Variants in NDC80 observed in about 807,000 individuals in gnomAD.
NDC80 encodes NDC80 kinetochore complex component, also known as kinetochore protein NDC80 homolog.
Under a neutral mutation model 89.3 loss-of-function variants are expected in NDC80, and 69 were observed. The ratio of observed to expected loss-of-function variants is 0.77; its 90% CI spans 0.64 to 0.94. The LOEUF is 0.94. Among genes scored for constraint, NDC80 ranks in the 40% least tolerant of loss-of-function variants. NDC80 has a pLI of 0.00. For synonymous variants in NDC80, 243 were observed against 255.6 expected (o/e 0.95, Z 0.47); for missense variants, 593 against 739.6 (o/e 0.80, Z 2.30).
chr18:2,578,887 A>G, intron 5 of NDC80, 40 bp from the exon 6 acceptor site: 1 of 1,210,544 alleles, frequency 8.3e-7, no homozygotes, highest in Non-Finnish European at 1.1e-6. Flanking sequence ...CTAAATTATA[A>G]TAACATTAAA....
rs759012516 is a variant in NDC80, at chr18:2,573,074, A to G, written c.89A>G (p.Tyr30Cys). Residue 30 changes from tyrosine to cysteine, a missense_variant, in exon 2 of 17, where the codon TAT becomes TGT. Physicochemically the swap from Tyr to Cys is radical, Grantham distance 194 (BLOSUM62 -2). Transcript: ENST00000261597. Reference protein sequence around the residue: ...RSQDVNKQGLYTPQTKEKPTF... With the variant: ...RSQDVNKQGLCTPQTKEKPTF... ...CAGGATGTAAATAAACAAGGCCTCT[A>G]TACCCCTCAAACGTGAGTATTTCCC... is the stretch of plus-strand genomic sequence containing the variant. 3 of 1,613,244 alleles carry G rather than the reference A, an allele frequency of 1.9e-6. No individual in the cohort carries two copies. Among genetic ancestry groups the G allele is most frequent in the African/African-American group, 1.3e-5 (1 of 74,888 alleles).
intron 8 of NDC80, 120 bp downstream of exon 8, chr18:2,588,043 C>A: frequency 1.5e-6 from 1 of 671,884 alleles, no homozygotes; most frequent in Admixed American, 2.7e-5. Flanking sequence ...TATCTGGATG[C>A]CTACTGATTT....
chr18:2,595,355 G>A (rs2072649239), intron 10 of NDC80, 61 bp from the exon 11 acceptor site: 1 of 1,172,778 alleles, frequency 8.5e-7, no homozygotes, highest in Non-Finnish European at 1.2e-6. Flanking sequence ...ATTACATGAT[G>A]GCATCTGTTT....
Position 2,580,174 on chromosome 18 carries a change from T to G in NDC80, c.579+1145T>G, listed in dbSNP as rs1428381201. Reference sequence around the variant, plus strand: ...GACAGCTAATTTTTTCTTATTTACATTTTTTGTTTTTAAAGGTGAATTTTT... The same window carrying G: ...GACAGCTAATTTTTTCTTATTTACAGTTTTTGTTTTTAAAGGTGAATTTTT... On this transcript the variant is annotated intron_variant, in intron 6 of 16. Transcript: ENST00000261597. Among the ~76,000 whole-genome samples the G allele has an allele frequency of 1.4e-4, 22 of 152,066 alleles. 1 individual carries two copies. Among genetic ancestry groups the G allele is most frequent in the Admixed American group, 1.4e-3 (22 of 15,254 alleles).
intron 3 of NDC80, among the ~76,000 whole-genome samples, chr18:2,575,989 CT>C (rs1283348207): frequency 6.7e-6 from 1 of 148,682 alleles, no homozygotes; most frequent in Non-Finnish European, 1.5e-5. Context: ...ATCCTAGCTA[CT>C]CAAGAGGCTT....
At chr18:2,580,075 C>T (rs574316827) in intron 6 of NDC80, among the ~76,000 whole-genome samples, 1 of 151,352 alleles carries the variant, frequency 6.6e-6, no homozygotes, top group South Asian at 2.1e-4. Flanking sequence ...TGCTTTTTGC[C>T]ATGAATTTGA....
At chr18:2,614,932 C>A (rs1384523408) in intron 16 of NDC80, 1 of 152,218 alleles carries the variant, frequency 6.6e-6, no homozygotes. Flanking sequence ...GGCATCCTTA[C>A]ATGAAGATCG....
At chr18:2,583,587 C>T (rs904710268) in intron 6 of NDC80, among the ~76,000 whole-genome samples, 1 of 151,832 alleles carries the variant, frequency 6.6e-6, no homozygotes, top group Non-Finnish European at 1.5e-5. Context: ...ATCCCAGCTA[C>T]TCAGGAGGCT....
At chr18:2,579,512 C>T (rs910621936) in intron 6 of NDC80, among the ~76,000 whole-genome samples, 2 of 152,142 alleles carry the variant, frequency 1.3e-5, no homozygotes, top group African/African-American at 4.8e-5. Flanking sequence ...ACTTCAACCT[C>T]CGCTTCCCAG....
chr18:2,583,697 C>CAAA (rs377184384), intron 6 of NDC80, among the ~76,000 whole-genome samples: 2 of 116,572 alleles, frequency 1.7e-5, no homozygotes, highest in Admixed American at 9.1e-5. Context: ...GACTCCGTCT[C>CAAA]AAAAAAAAAA....
chr18:2,610,854 C>G lies in NDC80; in HGVS notation c.1784C>G (p.Ser595Cys). The change falls in exon 16 of 17, where the codon TCT becomes TGT. Residue 595 changes from serine to cysteine, a missense_variant. Physicochemically the swap from Ser to Cys is moderately radical, Grantham distance 112. Transcript: ENST00000261597. Reference sequence around the variant, plus strand: ...GAGATGGTTGCTACACATGTTGGGTCTGTAGAGGTAAGTATGTGATGGTCT... The same window carrying G: ...GAGATGGTTGCTACACATGTTGGGTGTGTAGAGGTAAGTATGTGATGGTCT... The part of the protein sequence containing the change: ...LLEMVATHVG[S>C]VEKHLEEQIA... 1 of 1,542,388 alleles carries G rather than the reference C, an allele frequency of 6.5e-7. No individual in the cohort carries two copies. Among genetic ancestry groups the G allele is most frequent in the South Asian group, 1.2e-5 (1 of 81,576 alleles).
chr18:2,609,053 A>G (rs778072764), intron 15 of NDC80, among the ~76,000 whole-genome samples: 6 of 152,190 alleles, frequency 3.9e-5, no homozygotes, highest in South Asian at 4.1e-4. Flanking sequence ...CCAAGAAATC[A>G]TTAATCGTTA....
At position 2,606,398 on chromosome 18, in the gene NDC80, A is replaced by G. The variant is rs1445534312; in HGVS notation, c.1465-17A>G. 1 of 1,560,834 alleles carries G rather than the reference A, an allele frequency of 6.4e-7. No homozygotes were observed. The highest frequency in any genetic ancestry group is 8.7e-7 in the Non-Finnish European group (1 of 1,148,860). On this transcript the variant is annotated splice_polypyrimidine_tract_variant and intron_variant, in intron 13 of 16. Coordinates refer to ENST00000261597, the MANE Select transcript of NDC80 (RefSeq NM_006101.3). ...ATGTATAGTTATGATTTCTCAACCA[A>G]AGTTTTATTTCCCCAGTTGAATGCA...
In NDC80 at chr18:2,593,042, G is replaced by GTGTA. The variant is rs1555618275; in HGVS notation, c.1016-2371_1016-2370insATGT. On this transcript the variant is annotated intron_variant, in intron 10 of 16. Coordinates refer to ENST00000261597, the MANE Select transcript of NDC80 (RefSeq NM_006101.3). ...TGTGTGTGTGTGTGTGTGTGTGTGT[G>GTGTA]TGTGTGTGTGTGTCTTTTTTTTTTT... is the stretch of plus-strand genomic sequence containing the variant. Among the ~76,000 whole-genome samples the GTGTA allele has an allele frequency of 3.5e-3, 459 of 130,094 alleles. 5 individuals are homozygous for GTGTA. Among genetic ancestry groups the GTGTA allele is most frequent in the African/African-American group, 0.014 (406 of 29,174 alleles). 85.3% of individuals were successfully genotyped at this position (130,094 alleles called of 152,430 possible). A position where few individuals can be genotyped will look rare whatever the true frequency, so the allele number is the denominator to read the frequency against.
At chr18:2,578,312 AC>A (rs1425297296) in intron 5 of NDC80, among the ~76,000 whole-genome samples, 171 bp downstream of exon 5, 1 of 152,238 alleles carries the variant, frequency 6.6e-6, no homozygotes, top group African/African-American at 2.4e-5. Context: ...TTACAAAAAA[AC>A]AAATAAAAAT....
intron 2 of NDC80, among the ~76,000 whole-genome samples, chr18:2,573,378 A>G (rs1230721138): frequency 6.6e-6 from 1 of 152,338 alleles, no homozygotes; most frequent in East Asian, 1.9e-4. Context: ...CTTTTATTCT[A>G]GAGCTACTTG....
chr18:2,587,049 A>G lies in NDC80; in HGVS notation c.670-781A>G, dbSNP rs148156670. 2.8e-3 allele frequency among the ~76,000 whole-genome samples: 421 copies of G among 152,312 alleles called. 3 individuals are homozygous for G. Among genetic ancestry groups the G allele is most frequent in the African/African-American group, 9.5e-3 (395 of 41,570 alleles). ...GAGAATGAAAATGTATTAATTTACCATCAGTGATACACCTTTCCAGTTACA... is the reference window on the plus strand; with the variant it reads ...GAGAATGAAAATGTATTAATTTACCGTCAGTGATACACCTTTCCAGTTACA... On this transcript the variant is annotated intron_variant, in intron 7 of 16. Transcript: ENST00000261597.
At chr18:2,576,004 C>CTT (rs551934101) in intron 3 of NDC80, among the ~76,000 whole-genome samples, 11,082 of 152,236 alleles carry the variant, frequency 0.073, 516 homozygotes, top group South Asian at 0.15. Flanking sequence ...GAGGCTTAGG[C>CTT]AGGAGGTTTA....
At chr18:2,574,200 G>A (rs1230019547) in intron 2 of NDC80, among the ~76,000 whole-genome samples, 1 of 152,132 alleles carries the variant, frequency 6.6e-6, no homozygotes, top group East Asian at 1.9e-4. Flanking sequence ...TAAAATGGAT[G>A]CTAGAGGCTA....
Sources: allele counts gnomAD v4.1 joint callset (sites outside exome capture counted in the v4.1 genomes callset), GRCh38; gene constraint gnomAD v4.1.1; transcripts MANE v1.5; gene names NCBI Gene and HGNC (gene_info 2026-07-23, HGNC 2026-07-21).